The following SHB variants were observed in gnomAD, a reference collection of about 807,000 sequenced individuals.
SHB encodes SH2 domain-containing adapter protein B.
In SHB, 20 loss-of-function variants were observed where a neutral mutation model predicts 52.3. The ratio of observed to expected loss-of-function variants is 0.38; its 90% CI spans 0.27 to 0.56. The LOEUF (loss-of-function observed/expected upper bound fraction) is 0.56. SHB is among the 20% of genes least tolerant of loss of function. SHB has a pLI of 0.71. For synonymous variants in SHB, 397 were observed against 316.5 expected (o/e 1.25, Z -2.70); for missense variants, 825 against 723.3 (o/e 1.14, Z -1.61).
In SHB at chr9:38,068,282, C is replaced by T; in HGVS notation, c.364G>A (p.Gly122Ser). 6.8e-7 allele frequency: 1 copy of T among 1,475,904 alleles called. No individual in the cohort carries two copies. Among genetic ancestry groups the T allele is most frequent in the Non-Finnish European group, 8.9e-7 (1 of 1,119,716 alleles). 91.4% of individuals were successfully genotyped at this position (1,475,904 alleles called of 1,614,324 possible). A position where few individuals can be genotyped will look rare whatever the true frequency, so the allele number is the denominator to read the frequency against. Residue 122 changes from glycine (G) to serine (S), a missense_variant, in exon 1 of 6, where the codon GGC becomes AGC. Physicochemically the swap from Gly to Ser is moderately conservative, Grantham distance 56. Coordinates refer to ENST00000377707, the MANE Select transcript of SHB (RefSeq NM_003028.3). ...LDYCGGSGEP[G>S]GVQRAFSASS... ...GCCGAGAAGGCGCGCTGGACCCCGC[C>T]TGGCTCCCCGCTGCCGCCGCAGTAG... is the stretch of plus-strand genomic sequence containing the variant.
chr9:38,065,429 G>C (rs934510836), intron 1 of SHB, among the ~76,000 whole-genome samples: 1 of 152,102 alleles, frequency 6.6e-6, no homozygotes, highest in African/African-American at 2.4e-5. Flanking sequence ...ATGGTCCCAG[G>C]ACCCTCAGCC....
intron 1 of SHB, among the ~76,000 whole-genome samples, chr9:38,016,673 A>G (rs1821217297): frequency 6.6e-6 from 1 of 152,226 alleles, no homozygotes; most frequent in Admixed American, 6.5e-5. Flanking sequence ...TCAACTACAT[A>G]CAAAGATCAC....
intron 5 of SHB, among the ~76,000 whole-genome samples, chr9:37,930,916 C>A (rs544755149): frequency 1.3e-5 from 2 of 152,100 alleles, no homozygotes; most frequent in African/African-American, 4.8e-5. Context: ...TACAAACAGA[C>A]ACATAGACCA....
intron 3 of SHB, among the ~76,000 whole-genome samples, chr9:37,963,456 T>A (rs987040520): frequency 6.6e-6 from 1 of 152,198 alleles, no homozygotes; most frequent in South Asian, 2.1e-4. Flanking sequence ...TGGGCCACAT[T>A]TGTAAACCAT....
chr9:37,992,714 C>G lies in SHB; in HGVS notation c.839-17877G>C, dbSNP rs191539768. Among the ~76,000 whole-genome samples the G allele has an allele frequency of 4.9e-4, 74 of 152,322 alleles. 1 individual carries two copies. Among genetic ancestry groups the G allele is most frequent in the Non-Finnish European group, 9.0e-4 (61 of 68,028 alleles). ...TCACCGGTGGCCTGCCACCATACAG[C>G]ATGGTGTAAATGAACTAGACAGCAC... On this transcript the variant is annotated intron_variant, in intron 2 of 5. Transcript: ENST00000377707.
chr9:38,037,666 C>G (rs1034999149), intron 1 of SHB, among the ~76,000 whole-genome samples: 14 of 152,206 alleles, frequency 9.2e-5, no homozygotes, highest in Non-Finnish European at 1.8e-4. Flanking sequence ...ATCATCGATT[C>G]AGCCCCCATG....
intron 1 of SHB, among the ~76,000 whole-genome samples, chr9:38,039,700 G>T (rs779996620): frequency 2.0e-4 from 30 of 152,264 alleles, no homozygotes; most frequent in Non-Finnish European, 3.7e-4. Context: ...TCCGGAAACA[G>T]CCCTGATATA....
At chr9:37,951,604 G>C (rs1041985847) in intron 4 of SHB, among the ~76,000 whole-genome samples, 1 of 152,266 alleles carries the variant, frequency 6.6e-6, no homozygotes, top group African/African-American at 2.4e-5. Context: ...AGGCCTAGAA[G>C]TGGTCTCTGG....
At chr9:37,970,848 C>T (rs1018948711) in intron 3 of SHB, among the ~76,000 whole-genome samples, 1 of 152,056 alleles carries the variant, frequency 6.6e-6, no homozygotes, top group Non-Finnish European at 1.5e-5. Flanking sequence ...TTGGCAGGCC[C>T]AGGTCTGTCC....
At chr9:37,924,050 C>T (rs888697180) in intron 5 of SHB, among the ~76,000 whole-genome samples, 1 of 152,258 alleles carries the variant, frequency 6.6e-6, no homozygotes, top group Admixed American at 6.5e-5. Context: ...GCCTGCCAAG[C>T]TCCTGCATCA....
At chr9:37,956,401 G>A (rs1785463240) in intron 3 of SHB, among the ~76,000 whole-genome samples, 1 of 152,070 alleles carries the variant, frequency 6.6e-6, no homozygotes, top group Admixed American at 6.5e-5. Context: ...CAGTTCTCAG[G>A]GGAAAAAGCT....
intron 4 of SHB, among the ~76,000 whole-genome samples, chr9:37,951,682 G>A (rs1478868233): frequency 1.3e-5 from 2 of 152,268 alleles, no homozygotes; most frequent in Admixed American, 6.5e-5. Context: ...TGGGGGCATG[G>A]CCTCTGGATT....
chr9:38,052,230 C>A (rs76931121), intron 1 of SHB, among the ~76,000 whole-genome samples: 1 of 152,010 alleles, frequency 6.6e-6, no homozygotes, highest in Non-Finnish European at 1.5e-5. Flanking sequence ...TAGTCCCCCA[C>A]GTCTTTCCTC....
chr9:37,935,187 A>G (rs563652899), intron 5 of SHB, among the ~76,000 whole-genome samples: 1 of 152,316 alleles, frequency 6.6e-6, no homozygotes, highest in African/African-American at 2.4e-5. Flanking sequence ...TGCCTCAGTC[A>G]TCTTACCATC....
chr9:38,038,364 A>G (rs890456120), intron 1 of SHB, among the ~76,000 whole-genome samples: 42 of 152,226 alleles, frequency 2.8e-4, no homozygotes, highest in Admixed American at 2.0e-3. Context: ...GCGGTTCATA[A>G]AACACATCTG....
intron 2 of SHB, among the ~76,000 whole-genome samples, chr9:37,982,436 T>C (rs1215564584): frequency 6.6e-6 from 1 of 151,962 alleles, no homozygotes; most frequent in Non-Finnish European, 1.5e-5. Context: ...GAGGTTGCAG[T>C]GAGCTGAGAT....
At position 38,068,278 on chromosome 9, in the gene SHB, C is replaced by A; in HGVS notation, c.368G>T (p.Gly123Val). 6.8e-7 allele frequency: 1 copy of A among 1,472,408 alleles called. No homozygotes were observed. The highest frequency in any genetic ancestry group is 8.9e-7 in the Non-Finnish European group (1 of 1,118,426). The allele number at this position is 1,472,408 out of a possible 1,614,324, so 91.2% of individuals were successfully genotyped here. The stretch of plus-strand genomic sequence containing the variant: ...CGAGGCCGAGAAGGCGCGCTGGACC[C>A]CGCCTGGCTCCCCGCTGCCGCCGCA... ...DYCGGSGEPG[G>V]VQRAFSASSA... Residue 123 changes from glycine to valine, a missense_variant, in exon 1 of 6, where the codon GGG becomes GTG. Transcript: ENST00000377707.
At chr9:38,004,170 T>TCC (rs1466756380) in intron 2 of SHB, among the ~76,000 whole-genome samples, 2 of 152,042 alleles carry the variant, frequency 1.3e-5, no homozygotes, top group Non-Finnish European at 2.9e-5. Context: ...ACCCAGGCGC[T>TCC]CCCTCCCTGG....
intron 2 of SHB, among the ~76,000 whole-genome samples, chr9:37,983,644 A>G (rs1795416844): frequency 6.6e-6 from 1 of 152,168 alleles, no homozygotes; most frequent in Non-Finnish European, 1.5e-5. Flanking sequence ...CAAGCTAGGT[A>G]GAGTTGTATG....
Sources: allele counts gnomAD v4.1 joint callset (sites outside exome capture counted in the v4.1 genomes callset), GRCh38; gene constraint gnomAD v4.1.1; transcripts MANE v1.5; gene names NCBI Gene and HGNC (gene_info 2026-07-23, HGNC 2026-07-21).